Variants in PLXNC1 observed in about 807,000 individuals in gnomAD.
PLXNC1 encodes plexin-C1.
PLXNC1 carries 75 observed loss-of-function variants against 178.2 expected under a neutral mutation model. The ratio of observed to expected loss-of-function variants is 0.42; its 90% CI spans 0.35 to 0.51. The LOEUF (loss-of-function observed/expected upper bound fraction) is 0.51. Ranked by LOEUF, PLXNC1 falls within the 20% of genes least tolerant of loss-of-function variation. The pLI is 0.02. For missense variants in PLXNC1, 1,503 were observed against 1,984.4 expected (o/e 0.76, Z 4.61); for synonymous variants, 790 against 779.9 (o/e 1.01, Z -0.22).
At chr12:94,194,873 A>ATT (rs1404675502) in intron 4 of PLXNC1, among the ~76,000 whole-genome samples, 5 of 152,180 alleles carry the variant, frequency 3.3e-5, no homozygotes, top group Admixed American at 6.5e-5. Context: ...GTCAACTGTC[A>ATT]TTTGGTGGAA....
Position 94,240,468 on chromosome 12 carries a change from T to C in PLXNC1, c.2121-17T>C. ...GTGTCTGTGTCATGTGAGAGTTCTT[T>C]TTCTACTCTTTTCTAGGATACAGGT... On this transcript the variant is annotated splice_polypyrimidine_tract_variant and intron_variant, in intron 10 of 30. Transcript: ENST00000258526. 6.2e-7 allele frequency: 1 copy of C among 1,603,256 alleles called. No homozygotes were observed. Among genetic ancestry groups the C allele is most frequent in the Non-Finnish European group, 8.5e-7 (1 of 1,172,644 alleles).
chr12:94,257,647 C>T (rs1306823941), intron 17 of PLXNC1, among the ~76,000 whole-genome samples: 3 of 152,122 alleles, frequency 2.0e-5, no homozygotes, highest in Non-Finnish European at 4.4e-5. Context: ...GTGGCGTGCA[C>T]CTGTAATCCC....
chr12:94,188,457 G>A (rs941473137), intron 4 of PLXNC1, among the ~76,000 whole-genome samples: 8 of 151,506 alleles, frequency 5.3e-5, no homozygotes, highest in African/African-American at 1.9e-4. Flanking sequence ...CCGAGTAGCT[G>A]GGATTACCGG....
chr12:94,226,964 A>C (rs1012207231), intron 8 of PLXNC1, among the ~76,000 whole-genome samples, 185 bp from the exon 9 acceptor site: 2 of 151,412 alleles, frequency 1.3e-5, no homozygotes, highest in African/African-American at 4.9e-5. Flanking sequence ...CGGAGGTTGC[A>C]GTGAGCCGAG....
intron 1 of PLXNC1, among the ~76,000 whole-genome samples, chr12:94,164,661 GCACACACACACACACACACACA>G (rs3060912): frequency 1.4e-4 from 21 of 148,716 alleles, no homozygotes; most frequent in African/African-American, 4.7e-4. Flanking sequence ...ATGACTCCCT[GCACACACACACACACACACACA>G]CACACACACA....
chr12:94,248,245 A>T lies in PLXNC1; in HGVS notation c.2611A>T (p.Asn871Tyr), dbSNP rs753108746. The change falls in exon 14 of 31, where the codon AAC becomes TAC. Residue 871 changes from asparagine (N) to tyrosine (Y), a missense_variant. Asn to Tyr is a moderately radical substitution (Grantham distance 143, BLOSUM62 -2). Around this residue, in one of 4 missense-constraint regions of PLXNC1, gnomAD observed 639 missense variants for 979.7 expected, o/e 0.65. Transcript: ENST00000258526. ...VKIQKENDNF[N>Y]ISKKDIEITL... ...TTTACAGAAAGAAAATGACAACTTCAACATTTCCAAAAAAGACATTGAAAT... is the reference window on the plus strand; with the variant it reads ...TTTACAGAAAGAAAATGACAACTTCTACATTTCCAAAAAAGACATTGAAAT... The T allele has an allele frequency of 4.3e-6, 7 of 1,609,478 alleles. No homozygotes were observed. Among genetic ancestry groups the T allele is most frequent in the Non-Finnish European group, 5.9e-6 (7 of 1,178,436 alleles).
chr12:94,288,331 C>T (rs922638341), intron 23 of PLXNC1, among the ~76,000 whole-genome samples: 1 of 152,184 alleles, frequency 6.6e-6, no homozygotes, highest in African/African-American at 2.4e-5. Flanking sequence ...GGCATCTGGG[C>T]TCTGACAACT....
At chr12:94,268,588 CTTTTTTTTT>C (rs61265662) in intron 21 of PLXNC1, among the ~76,000 whole-genome samples, 1 of 90,878 alleles carries the variant, frequency 1.1e-5, no homozygotes, top group Non-Finnish European at 2.0e-5. Flanking sequence ...AGAATAAGAC[CTTTTTTTTT>C]TTTTTTTTTT....
In PLXNC1 at chr12:94,279,501, G is replaced by A. The variant is rs2230760; in HGVS notation, c.3627G>A (p.Pro1209=). 0.12 allele frequency: 190,434 copies of A among 1,612,874 alleles called. 12,302 individuals carry two copies. Among genetic ancestry groups the A allele is most frequent in the Admixed American group, 0.2 (11,832 of 59,916 alleles). ...TAAACGTCGTCTTTGAAAAAATCCC[G>A]GAAAACGAGAGTGCAGATGTCTGTC... ...VALNVVFEKI[P]ENESADVCRN... The change falls in exon 22 of 31, where the codon CCG becomes CCA. Residue 1209 remains proline (P), a synonymous_variant. Coordinates refer to ENST00000258526, the MANE Select transcript of PLXNC1 (RefSeq NM_005761.3).
intron 28 of PLXNC1, among the ~76,000 whole-genome samples, chr12:94,301,382 G>A (rs1472893243): frequency 6.6e-6 from 1 of 152,120 alleles, no homozygotes; most frequent in African/African-American, 2.4e-5. Flanking sequence ...TGCAACCATT[G>A]AAATTTGCCT....
intron 9 of PLXNC1, among the ~76,000 whole-genome samples, chr12:94,232,110 G>T (rs1477121362): frequency 2.0e-5 from 3 of 151,936 alleles, no homozygotes; most frequent in Middle Eastern, 3.2e-3. Flanking sequence ...CTCCGAGATG[G>T]AGTTTCACTC....
At chr12:94,236,295 T>A (rs1964237806) in intron 9 of PLXNC1, among the ~76,000 whole-genome samples, 1 of 152,216 alleles carries the variant, frequency 6.6e-6, no homozygotes, top group African/African-American at 2.4e-5. Flanking sequence ...AAAGCGCTGA[T>A]GAGTGATGGG....
intron 4 of PLXNC1, among the ~76,000 whole-genome samples, chr12:94,191,413 T>C (rs972201063): frequency 1.3e-5 from 2 of 152,240 alleles, no homozygotes; most frequent in Admixed American, 6.5e-5. Context: ...TGAGTTTTCT[T>C]GCATACATGT....
At chr12:94,251,300 G>C (rs1322473489) in intron 14 of PLXNC1, 126 bp from the exon 15 acceptor site, 15 of 638,352 alleles carry the variant, frequency 2.3e-5, no homozygotes, top group Non-Finnish European at 4.3e-5. Flanking sequence ...AATGAGAGTT[G>C]AACTCAGATA....
In PLXNC1 at chr12:94,166,160, G is replaced by T. The variant is rs1961599056; in HGVS notation, c.1063-2993G>T. On this transcript the variant is annotated intron_variant, in intron 1 of 30. Coordinates refer to ENST00000258526, the MANE Select transcript of PLXNC1 (RefSeq NM_005761.3). ...TCTTCTTGGCAAAGAGAAAATAACT[G>T]CCATGGGTGTGGCAGTAACTTGTGT... Among the ~76,000 whole-genome samples, 2 of 152,070 alleles carry T rather than the reference G, an allele frequency of 1.3e-5. 1 individual carries two copies. The highest frequency in any genetic ancestry group is 2.9e-5 in the Non-Finnish European group (2 of 67,962).
Position 94,149,856 on chromosome 12 carries a change from C to T in PLXNC1, c.885C>T (p.Leu295=). 1 of 1,587,118 alleles carries T rather than the reference C, an allele frequency of 6.3e-7. No individual in the cohort carries two copies. Residue 295 remains leucine, a synonymous_variant, in exon 1 of 31, where the codon CTC becomes CTT. Coordinates refer to ENST00000258526, the MANE Select transcript of PLXNC1 (RefSeq NM_005761.3). The stretch of plus-strand genomic sequence containing the variant: ...ACCCCGACGGCCGCCGCCTGCTCCT[C>T]TCCTCCAGCCTAGTGGAGGCCCTGG... ...HGHPDGRRLL[L]SSSLVEALDV...
chr12:94,248,231 A>G lies in PLXNC1; in HGVS notation c.2597A>G (p.Glu866Gly). Residue 866 changes from glutamate to glycine, a missense_variant, in exon 14 of 31, where the codon GAA becomes GGA. Glu to Gly is a moderately conservative substitution (Grantham distance 98). This residue lies in a region of PLXNC1 where 639 missense variants were observed against 979.7 expected (regional missense o/e 0.65). Transcript: ENST00000258526. Reference sequence around the variant, plus strand: ...TCTTCATTTTGTTCTTTACAGAAAGAAAATGACAACTTCAACATTTCCAAA... The same window carrying G: ...TCTTCATTTTGTTCTTTACAGAAAGGAAATGACAACTTCAACATTTCCAAA... ...DTELEVKIQKENDNFNISKKD... is the reference protein window; with the variant it reads ...DTELEVKIQKGNDNFNISKKD... 6.2e-7 allele frequency: 1 copy of G among 1,608,908 alleles called. No individual in the cohort carries two copies. The highest frequency in any genetic ancestry group is 8.5e-7 in the Non-Finnish European group (1 of 1,177,860).
rs180749761 is a variant in PLXNC1 at position 94,303,669 on chromosome 12, T to C, written c.4387-87T>C. The C allele has an allele frequency of 6.9e-5, 84 of 1,209,560 alleles. No homozygotes were observed. In the African/African-American group the frequency reaches 1.1e-3, roughly 16 times the overall value. 74.9% of individuals were successfully genotyped at this position (1,209,560 alleles called of 1,614,324 possible). On this transcript the variant is annotated intron_variant, in intron 28 of 30. Coordinates refer to ENST00000258526, the MANE Select transcript of PLXNC1 (RefSeq NM_005761.3). ...GGTTGGTGGTGGGGGTTCAGCTACATTGGAATATTATAAATTCCTCCATCT... is the reference window on the plus strand; with the variant it reads ...GGTTGGTGGTGGGGGTTCAGCTACACTGGAATATTATAAATTCCTCCATCT...
At position 94,217,980 on chromosome 12, in the gene PLXNC1, G is replaced by A. The variant is rs541428596; in HGVS notation, c.1555-2036G>A. Among the ~76,000 whole-genome samples the A allele has an allele frequency of 3.3e-5, 5 of 152,290 alleles. No homozygotes were observed. In the South Asian group the frequency reaches 1.0e-3, roughly 32 times the overall value. ...AAAGCTACATATGTGAGAACTAGAA[G>A]GAAATGTGGAAACTTTAAAAGAGTT... On this transcript the variant is annotated intron_variant, in intron 5 of 30. Transcript: ENST00000258526.
Sources: allele counts gnomAD v4.1 joint callset (sites outside exome capture counted in the v4.1 genomes callset), GRCh38; gene constraint gnomAD v4.1.1; regional missense constraint gnomAD v4.1.1; transcripts MANE v1.5; gene names NCBI Gene and HGNC (gene_info 2026-07-23, HGNC 2026-07-21).